Variants in GLG1 observed in about 807,000 individuals in gnomAD.
The protein encoded by GLG1 is golgi glycoprotein 1.
Under a neutral mutation model 160.5 loss-of-function variants are expected in GLG1, and 38 were observed. That is an observed-to-expected ratio of 0.24 (90% confidence interval 0.18 to 0.31). The LOEUF (loss-of-function observed/expected upper bound fraction) is 0.31, where lower values mean the gene tolerates loss of function less well. Among genes scored for constraint, GLG1 ranks in the 10% least tolerant of loss-of-function variants. The pLI is 1.00. For synonymous variants in GLG1, 644 were observed against 543.4 expected (o/e 1.19, Z -2.57); for missense variants, 1,373 against 1,505.2 (o/e 0.91, Z 1.45).
chr16:74,596,893 G>T (rs1327092206), intron 1 of GLG1, among the ~76,000 whole-genome samples: 1 of 152,110 alleles, frequency 6.6e-6, no homozygotes, highest in African/African-American at 2.4e-5. Context: ...AAGGCAGGAG[G>T]ACTGCTTGAA....
At chr16:74,496,397 G>A (rs2016188866) in intron 5 of GLG1, 44 bp downstream of exon 5, 1 of 1,302,536 alleles carries the variant, frequency 7.7e-7, no homozygotes, top group African/African-American at 1.5e-5. Flanking sequence ...TTATATATGT[G>A]TAAAAATAAA....
intron 1 of GLG1, among the ~76,000 whole-genome samples, chr16:74,548,630 T>G (rs1363755194): frequency 1.4e-5 from 2 of 148,132 alleles, no homozygotes; most frequent in African/African-American, 5.0e-5. Context: ...TTTTCAGGAC[T>G]TTTAGCCTCA....
chr16:74,586,002 G>A (rs1284235019), intron 1 of GLG1, among the ~76,000 whole-genome samples: 3 of 150,236 alleles, frequency 2.0e-5, no homozygotes, highest in Non-Finnish European at 4.4e-5. Flanking sequence ...GGCAAAGGCT[G>A]TAGTGAGCCG....
At chr16:74,573,970 G>T (rs143574910) in intron 1 of GLG1, among the ~76,000 whole-genome samples, 2 of 151,988 alleles carry the variant, frequency 1.3e-5, no homozygotes, top group African/African-American at 4.8e-5. Flanking sequence ...ATTTTTTGTA[G>T]AGGCATGACT....
chr16:74,525,035 T>C (rs1388047343), intron 2 of GLG1, among the ~76,000 whole-genome samples: 3 of 152,246 alleles, frequency 2.0e-5, no homozygotes, highest in Admixed American at 2.0e-4. Flanking sequence ...CATGTTTTAT[T>C]TATCCATTAA....
chr16:74,558,253 A>G (rs184686780), intron 1 of GLG1, among the ~76,000 whole-genome samples: 56 of 152,316 alleles, frequency 3.7e-4, no homozygotes, highest in African/African-American at 1.3e-3. Flanking sequence ...GTATCACCAC[A>G]TTGATGCATC....
intron 2 of GLG1, among the ~76,000 whole-genome samples, chr16:74,529,923 T>C (rs2017478607): frequency 6.8e-6 from 1 of 146,128 alleles, no homozygotes; most frequent in African/African-American, 2.5e-5. Flanking sequence ...GCGATTTTCC[T>C]GTTTCAGACT....
intron 4 of GLG1, among the ~76,000 whole-genome samples, chr16:74,499,450 T>A (rs574463642): frequency 6.6e-6 from 1 of 152,294 alleles, no homozygotes; most frequent in Admixed American, 6.5e-5. Context: ...TGTTTATATG[T>A]ACTTATATAC....
chr16:74,526,697 C>T (rs1340542950), intron 2 of GLG1, among the ~76,000 whole-genome samples: 15 of 152,170 alleles, frequency 9.9e-5, no homozygotes, highest in Non-Finnish European at 2.1e-4. Flanking sequence ...ACACTCCAGC[C>T]TGCGTGACAG....
At chr16:74,495,987 A>G (rs1269392741) in intron 5 of GLG1, among the ~76,000 whole-genome samples, 1 of 152,132 alleles carries the variant, frequency 6.6e-6, no homozygotes, top group Admixed American at 6.6e-5. Flanking sequence ...AAAATATTTA[A>G]GTCACAGTGG....
chr16:74,551,449 C>T (rs898781235), intron 1 of GLG1, among the ~76,000 whole-genome samples: 4 of 148,684 alleles, frequency 2.7e-5, no homozygotes, highest in South Asian at 2.2e-4. Flanking sequence ...GGACCACAGG[C>T]GCACACCACC....
intron 25 of GLG1, among the ~76,000 whole-genome samples, chr16:74,454,959 C>T (rs942299366): frequency 1.3e-5 from 2 of 151,324 alleles, no homozygotes; most frequent in African/African-American, 2.4e-5. Flanking sequence ...ATAAAATTAG[C>T]TGGGTGTGGT....
chr16:74,451,696 G>A lies in GLG1; in HGVS notation c.*1471C>T, dbSNP rs2014311952. 3.6e-6 allele frequency: 1 copy of A among 274,220 alleles called. No homozygotes were observed. The allele number at this position is 274,220 out of a possible 1,614,324, so 17.0% of individuals were successfully genotyped here. On this transcript the variant is annotated 3_prime_UTR_variant, in exon 26 of 26. Coordinates refer to ENST00000422840, the MANE Select transcript of GLG1 (RefSeq NM_001145667.2). Reference sequence around the variant, plus strand: ...AAATGTCTCTCCTACTGTACACACTGCTCTCTTGTGCAGCCACTGTGATCT... The same window carrying A: ...AAATGTCTCTCCTACTGTACACACTACTCTCTTGTGCAGCCACTGTGATCT...
Position 74,494,794 on chromosome 16 carries a change from A to C in GLG1, c.1016T>G (p.Phe339Cys). ...AGEGRVYKCL[F>C]NHKFEESMSE... ...CATGGATTCTTCAAATTTATGGTTA[A>C]AGAGGCACTTATACACTCTGCCCTC... The change falls in exon 6 of 26, where the codon TTT becomes TGT. Residue 339 changes from phenylalanine (F) to cysteine (C), a missense_variant. Transcript: ENST00000422840. The C allele has an allele frequency of 6.7e-7, 1 of 1,500,840 alleles. No individual in the cohort carries two copies. The highest frequency in any genetic ancestry group is 9.3e-7 in the Non-Finnish European group (1 of 1,077,082). 93.0% of individuals were successfully genotyped at this position (1,500,840 alleles called of 1,614,324 possible). A position where few individuals can be genotyped will look rare whatever the true frequency, so the allele number is the denominator to read the frequency against.
chr16:74,599,208 T>C (rs1235077166), intron 1 of GLG1, among the ~76,000 whole-genome samples: 2 of 149,678 alleles, frequency 1.3e-5, no homozygotes, highest in Non-Finnish European at 3.0e-5. Flanking sequence ...ACATCCCATT[T>C]CTGGACTTTA....
At chr16:74,578,034 A>G (rs1277625136) in intron 1 of GLG1, among the ~76,000 whole-genome samples, 1 of 152,164 alleles carries the variant, frequency 6.6e-6, no homozygotes, top group Non-Finnish European at 1.5e-5. Flanking sequence ...TCTAACAGCA[A>G]TCATTTGGAT....
chr16:74,457,386 G>C (rs1390349213), intron 24 of GLG1, among the ~76,000 whole-genome samples: 1 of 152,148 alleles, frequency 6.6e-6, no homozygotes, highest in Non-Finnish European at 1.5e-5. Flanking sequence ...GACAGAGTGA[G>C]ACTCTGTCTC....
rs756145425 is a variant in GLG1 at position 74,453,128 on chromosome 16, G to A, written c.*39C>T. 1 of 1,603,378 alleles carries A rather than the reference G, an allele frequency of 6.2e-7. No individual in the cohort carries two copies. Among genetic ancestry groups the A allele is most frequent in the Non-Finnish European group, 8.5e-7 (1 of 1,174,360 alleles). On this transcript the variant is annotated 3_prime_UTR_variant, in exon 26 of 26. Transcript: ENST00000422840. ...CTATACAAGAGGGCTGTACAAACTG[G>A]GCACTGGATAGGTAGTTCCTTTGGT...
chr16:74,499,462 C>T (rs1485171935), intron 4 of GLG1, among the ~76,000 whole-genome samples: 1 of 152,138 alleles, frequency 6.6e-6, no homozygotes, highest in Non-Finnish European at 1.5e-5. Flanking sequence ...CTTATATACA[C>T]AAATACTATA....
Sources: gnomAD v4.1 joint callset for allele counts (sites outside exome capture counted in the v4.1 genomes callset) on GRCh38, gnomAD v4.1.1 for gene constraint, MANE v1.5 for transcripts, NCBI Gene and HGNC (gene_info 2026-07-23, HGNC 2026-07-21) for gene names.